The following MARCHF1 variants were observed in gnomAD, a reference collection of about 807,000 sequenced individuals.
MARCHF1 encodes E3 ubiquitin-protein ligase MARCHF1.
In MARCHF1, 40 loss-of-function variants were observed where a neutral mutation model predicts 54.2. The observed-to-expected ratio is 0.74, with a 90% CI of 0.57 to 0.96. The LOEUF is 0.96. Among genes scored for constraint, MARCHF1 ranks in the 40% least tolerant of loss-of-function variants. The pLI, the probability that MARCHF1 is intolerant of heterozygous loss-of-function variation, is 0.00. For synonymous variants in MARCHF1, 236 were observed against 236.3 expected, an observed-to-expected ratio of 1.00 and a Z score of 0.01; for missense variants, 586 against 656.5, an observed-to-expected ratio of 0.89 and a Z score of 1.17.
intron 9 of MARCHF1, among the ~76,000 whole-genome samples, chr4:163,531,382 A>G (rs1278425985): frequency 1.3e-5 from 2 of 151,896 alleles, no homozygotes; most frequent in Non-Finnish European, 2.9e-5. Flanking sequence ...GAATATATCA[A>G]TAAGTGCAGA....
At chr4:163,565,794 T>A (rs1167242755) in intron 8 of MARCHF1, among the ~76,000 whole-genome samples, 2 of 152,150 alleles carry the variant, frequency 1.3e-5, no homozygotes, top group African/African-American at 4.8e-5. Context: ...TCCCCAGCAG[T>A]CTCCACAAAG....
At chr4:163,980,142 C>A (rs1457513750) in intron 3 of MARCHF1, among the ~76,000 whole-genome samples, 1 of 143,126 alleles carries the variant, frequency 7.0e-6, no homozygotes, top group Non-Finnish European at 1.5e-5. Flanking sequence ...GTAACCAAAA[C>A]AGCATGGTAC....
At chr4:163,566,905 C>G (rs1354254606) in intron 8 of MARCHF1, among the ~76,000 whole-genome samples, 1 of 152,046 alleles carries the variant, frequency 6.6e-6, no homozygotes, top group Non-Finnish European at 1.5e-5. Context: ...GCAGAAAATC[C>G]ACACAAGTAT....
At chr4:163,781,196 C>T (rs1466447262) in intron 4 of MARCHF1, among the ~76,000 whole-genome samples, 1 of 152,084 alleles carries the variant, frequency 6.6e-6, no homozygotes, top group Non-Finnish European at 1.5e-5. Context: ...ACTGAAAATA[C>T]AAAAATTAGC....
At chr4:164,250,128 G>C (rs1271634306) in intron 1 of MARCHF1, among the ~76,000 whole-genome samples, 4 of 152,062 alleles carry the variant, frequency 2.6e-5, no homozygotes, top group Non-Finnish European at 5.9e-5. Context: ...GAAAACTTAG[G>C]TGATGACATG....
intron 4 of MARCHF1, among the ~76,000 whole-genome samples, chr4:163,709,896 T>C (rs1745056976): frequency 6.6e-6 from 1 of 152,192 alleles, no homozygotes; most frequent in Non-Finnish European, 1.5e-5. Context: ...ATATTTCAAA[T>C]TGTAAAGCAC....
At chr4:163,717,028 T>A (rs1295265345) in intron 4 of MARCHF1, among the ~76,000 whole-genome samples, 1 of 152,052 alleles carries the variant, frequency 6.6e-6, no homozygotes, top group South Asian at 2.1e-4. Flanking sequence ...TAAGTTTTAG[T>A]GTACATGTGC....
chr4:164,380,001 A>G (rs1300791794), intron 1 of MARCHF1, among the ~76,000 whole-genome samples: 1 of 152,062 alleles, frequency 6.6e-6, no homozygotes, highest in Non-Finnish European at 1.5e-5. Flanking sequence ...CTGCCAAACA[A>G]AAATGCTATA....
At chr4:164,136,524 C>G (rs1018102128) in intron 1 of MARCHF1, among the ~76,000 whole-genome samples, 1 of 152,102 alleles carries the variant, frequency 6.6e-6, no homozygotes, top group Non-Finnish European at 1.5e-5. Flanking sequence ...TCAGCAGAGC[C>G]GATTGGCTGG....
At chr4:164,289,312 T>A (rs962676339) in intron 1 of MARCHF1, among the ~76,000 whole-genome samples, 1 of 152,034 alleles carries the variant, frequency 6.6e-6, no homozygotes, top group Non-Finnish European at 1.5e-5. Context: ...ATCACTGACA[T>A]AGTCTTAGCA....
intron 1 of MARCHF1, among the ~76,000 whole-genome samples, chr4:164,238,916 T>C (rs936742814): frequency 2.6e-5 from 4 of 152,018 alleles, no homozygotes; most frequent in Non-Finnish European, 5.9e-5. Context: ...TTGACTTTAT[T>C]TGGATAATTG....
intron 4 of MARCHF1, among the ~76,000 whole-genome samples, chr4:163,805,970 C>T (rs919267781): frequency 2.6e-5 from 4 of 152,170 alleles, no homozygotes; most frequent in African/African-American, 4.8e-5. Flanking sequence ...ATTCTAGTTT[C>T]ATTCTATCCA....
intron 3 of MARCHF1, among the ~76,000 whole-genome samples, chr4:163,960,594 G>T (rs548946473): frequency 6.6e-6 from 1 of 151,844 alleles, no homozygotes; most frequent in South Asian, 2.1e-4. Context: ...TTGTAAGTGG[G>T]AGCTAAATGA....
chr4:163,819,522 A>G (rs1748633862), intron 4 of MARCHF1, among the ~76,000 whole-genome samples: 1 of 152,120 alleles, frequency 6.6e-6, no homozygotes, highest in African/African-American at 2.4e-5. Context: ...TGTAAGCCTT[A>G]CTTTGTCTCT....
chr4:163,652,419 G>A (rs572233830), intron 5 of MARCHF1, among the ~76,000 whole-genome samples: 2 of 151,686 alleles, frequency 1.3e-5, no homozygotes, highest in Non-Finnish European at 2.9e-5. Context: ...CTTCTTTTCT[G>A]TTCCTTCAAC....
At position 164,176,999 on chromosome 4, in the gene MARCHF1, TATATATATATAC is replaced by T. The variant is rs1210774696; in HGVS notation, c.-322-65349_-322-65338del. 3.8e-3 allele frequency among the ~76,000 whole-genome samples: 350 copies of T among 91,634 alleles called. 6 individuals carry two copies. Among genetic ancestry groups the T allele is most frequent in the African/African-American group, 0.018 (337 of 19,122 alleles). 60.1% of individuals were successfully genotyped at this position (91,634 alleles called of 152,430 possible). On this transcript the variant is annotated intron_variant, in intron 1 of 9. Coordinates refer to ENST00000514618, the MANE Select transcript of MARCHF1 (RefSeq NM_001394959.1). ...CTCTCTCTATATATATATATATATA[TATATATATATAC>T]AAATGATAGAATTAGGCATGTTTCC...
intron 3 of MARCHF1, among the ~76,000 whole-genome samples, chr4:163,954,198 T>C (rs1752188555): frequency 6.6e-6 from 1 of 152,136 alleles, no homozygotes; most frequent in Admixed American, 6.5e-5. Context: ...GGTAGGAAAT[T>C]ATAGTTCTCA....
At position 163,736,820 on chromosome 4, in the gene MARCHF1, CTG is replaced by C. The variant is rs1307614753; in HGVS notation, c.112-35959_112-35958del. ...CAGTCAACAGATAGTTATTTTACACCTGTGAGTCAGAAATGCTTTTTCATTAA... is the reference window on the plus strand; with the variant it reads ...CAGTCAACAGATAGTTATTTTACACCTGAGTCAGAAATGCTTTTTCATTAA... On this transcript the variant is annotated intron_variant, in intron 4 of 9. Coordinates refer to ENST00000514618, the MANE Select transcript of MARCHF1 (RefSeq NM_001394959.1). 4.6e-5 allele frequency among the ~76,000 whole-genome samples: 7 copies of C among 152,214 alleles called. No homozygotes were observed. The East Asian group carries it at 1.3e-3, about 29-fold the overall frequency.
At chr4:163,586,074 T>A in intron 7 of MARCHF1, 145 bp from the exon 8 acceptor site, 1 of 640,754 alleles carries the variant, frequency 1.6e-6, no homozygotes, top group Non-Finnish European at 2.5e-6. Flanking sequence ...ACTTTGATGC[T>A]AGAACCAAAT....
Sources: gnomAD v4.1 joint callset for allele counts (sites outside exome capture counted in the v4.1 genomes callset) on GRCh38, gnomAD v4.1.1 for gene constraint, MANE v1.5 for transcripts, NCBI Gene and HGNC (gene_info 2026-07-23, HGNC 2026-07-21) for gene names.